PCDHA9: variants seen among roughly 807,000 people sequenced by gnomAD.
PCDHA9 encodes the protein protocadherin alpha 9, also known as protocadherin alpha-9.
In PCDHA9, 62 loss-of-function variants were observed where a neutral mutation model predicts 62.0. The ratio of observed to expected loss-of-function variants is 1.00; its 90% CI spans 0.81 to 1.23. PCDHA9 has a LOEUF of 1.23. PCDHA9 is among the 50% of genes most tolerant of loss of function. The pLI is 0.00. For missense variants in PCDHA9, 1,205 were observed against 1,249.8 expected (o/e 0.96, Z 0.54); for synonymous variants, 557 against 567.6 (o/e 0.98, Z 0.27).
intron 1 of PCDHA9, among the ~76,000 whole-genome samples, chr5:140,897,653 G>A (rs1446334429): frequency 1.3e-5 from 2 of 152,100 alleles, no homozygotes; most frequent in Non-Finnish European, 2.9e-5. Flanking sequence ...AAACATACGT[G>A]TGCATGTGTC....
chr5:140,989,728 A>T (rs1453115061), intron 3 of PCDHA9, among the ~76,000 whole-genome samples: 6 of 152,184 alleles, frequency 3.9e-5, no homozygotes, highest in Admixed American at 3.9e-4. Flanking sequence ...TTGCAGTTGA[A>T]AAGGCCATTG....
intron 3 of PCDHA9, among the ~76,000 whole-genome samples, chr5:140,994,309 C>T (rs924119174): frequency 1.3e-5 from 2 of 152,072 alleles, no homozygotes; most frequent in African/African-American, 4.8e-5. Context: ...TTCACAGGGC[C>T]CAAACACTCT....
rs782072957 is a variant in PCDHA9, at chr5:140,870,352, G to T, written c.2394+19463G>T. On this transcript the variant is annotated intron_variant, in intron 1 of 3. Coordinates refer to ENST00000532602, the MANE Select transcript of PCDHA9 (RefSeq NM_031857.2). ...GGACAGCGCCCTGGACCGCGAGAAC[G>T]TGTGGGCCTATGAACTGGTGGTGAC... 9.9e-6 allele frequency: 16 copies of T among 1,614,226 alleles called. No individual in the cohort carries two copies. The South Asian group carries it at 1.3e-4, about 13-fold the overall frequency.
At chr5:140,982,453 C>T (rs1554244194) in intron 2 of PCDHA9, 22 bp from the exon 3 acceptor site, 5 of 1,613,812 alleles carry the variant, frequency 3.1e-6, no homozygotes, top group African/African-American at 1.3e-5. Context: ...TAACCGTTAT[C>T]TGGGTCTGTG....
rs781852534 is a variant in PCDHA9, at chr5:140,982,552, G to T, written c.2531G>T (p.Ser844Ile). 1 of 1,614,168 alleles carries T rather than the reference G, an allele frequency of 6.2e-7. No individual in the cohort carries two copies. The highest frequency in any genetic ancestry group is 2.2e-5 in the East Asian group (1 of 44,892). ...GATCAGCAGTGGCCAACAGTATCCAGTGCAACACCAGGTAAAGAGCTGGGG... is the reference window on the plus strand; with the variant it reads ...GATCAGCAGTGGCCAACAGTATCCATTGCAACACCAGGTAAAGAGCTGGGG... The part of the protein sequence containing the change: ...GPDQQWPTVS[S>I]ATPEPEAGEV... Residue 844 changes from serine (S) to isoleucine (I), a missense_variant, in exon 3 of 4, where the codon AGT (serine) becomes ATT (isoleucine). Physicochemically the swap from Ser to Ile is moderately radical, Grantham distance 142. Coordinates refer to ENST00000532602, the MANE Select transcript of PCDHA9 (RefSeq NM_031857.2).
Position 140,978,838 on chromosome 5 carries a change from A to G in PCDHA9, c.2395-111A>G, listed in dbSNP as rs571929271. 3.9e-6 allele frequency: 6 copies of G among 1,554,610 alleles called. No homozygotes were observed. In the African/African-American group the frequency reaches 5.5e-5, roughly 14 times the overall value. On this transcript the variant is annotated intron_variant, in intron 1 of 3. Transcript: ENST00000532602. ...TTACACATGAAATGGCTCATTCAAT[A>G]CTTTTTTAGATGCCTGGAAATATTT... is the stretch of plus-strand genomic sequence containing the variant.
chr5:140,882,660 C>G lies in PCDHA9; in HGVS notation c.2394+31771C>G, dbSNP rs147326638. Reference sequence around the variant, plus strand: ...GTGAGGGACATTAACGACAACCCGCCCATATTCCCTGAAAGCAAGAAACGA... The same window carrying G: ...GTGAGGGACATTAACGACAACCCGCGCATATTCCCTGAAAGCAAGAAACGA... On this transcript the variant is annotated intron_variant, in intron 1 of 3. Coordinates refer to ENST00000532602, the MANE Select transcript of PCDHA9 (RefSeq NM_031857.2). 14 of 1,614,090 alleles carry G rather than the reference C, an allele frequency of 8.7e-6. No individual in the cohort carries two copies. Among genetic ancestry groups the G allele is most frequent in the African/African-American group, 1.3e-5 (1 of 74,928 alleles).
In PCDHA9 at chr5:140,900,436, G is replaced by C. The variant is rs553121120; in HGVS notation, c.2394+49547G>C. 8.5e-5 allele frequency among the ~76,000 whole-genome samples: 13 copies of C among 152,126 alleles called. No individual in the cohort carries two copies. The East Asian group carries it at 2.5e-3, about 30-fold the overall frequency. ...GGGATTATAGGCACGTGCCACCACG[G>C]CCGGCTAATTTTTTATTTTTAGTAG... On this transcript the variant is annotated intron_variant, in intron 1 of 3. Transcript: ENST00000532602.
At chr5:140,885,313 A>G (rs2060560221) in intron 1 of PCDHA9, among the ~76,000 whole-genome samples, 1 of 152,144 alleles carries the variant, frequency 6.6e-6, no homozygotes, top group East Asian at 1.9e-4. Flanking sequence ...GCTTTTTGTT[A>G]TTATTTCTTT....
chr5:140,958,089 C>A (rs2095409002), intron 1 of PCDHA9, among the ~76,000 whole-genome samples: 1 of 151,872 alleles, frequency 6.6e-6, no homozygotes, highest in African/African-American at 2.4e-5. Context: ...TAAAGTTGTA[C>A]AATAGTGTGT....
intron 1 of PCDHA9, among the ~76,000 whole-genome samples, chr5:140,944,072 A>C (rs868935645): frequency 6.6e-6 from 1 of 152,218 alleles, no homozygotes; most frequent in Non-Finnish European, 1.5e-5. Context: ...CTTGTTAAAG[A>C]TAAAGGAGGC....
intron 1 of PCDHA9, chr5:140,851,593 C>A (rs1200692770): frequency 1.1e-6 from 1 of 916,458 alleles, no homozygotes; most frequent in Non-Finnish European, 1.3e-6. Context: ...TTTTGAAATT[C>A]AGTTTACAGA....
At chr5:141,003,467 A>G (rs1262411574) in intron 3 of PCDHA9, among the ~76,000 whole-genome samples, 1 of 152,036 alleles carries the variant, frequency 6.6e-6, no homozygotes, top group Non-Finnish European at 1.5e-5. Context: ...GTGCACCACC[A>G]CAGTCTCGCT....
In PCDHA9 at chr5:140,875,735, C is replaced by A. The variant is rs376701509; in HGVS notation, c.2394+24846C>A. The stretch of plus-strand genomic sequence containing the variant: ...CAGAATGGCATTTTGTTTGTGAATT[C>A]TCGGATCGACCGCGAGAAGCTGTGC... On this transcript the variant is annotated intron_variant, in intron 1 of 3. Coordinates refer to ENST00000532602, the MANE Select transcript of PCDHA9 (RefSeq NM_031857.2). 16 of 1,614,114 alleles carry A rather than the reference C, an allele frequency of 9.9e-6. No homozygotes were observed. In the Middle Eastern group the frequency reaches 4.9e-4, roughly 50 times the overall value.
At chr5:141,005,302 G>T (rs940194498) in intron 3 of PCDHA9, among the ~76,000 whole-genome samples, 1 of 152,160 alleles carries the variant, frequency 6.6e-6, no homozygotes, top group Non-Finnish European at 1.5e-5. Context: ...TTGCCTTTGT[G>T]AATCTTACAG....
chr5:140,969,450 G>GTA (rs782343162), intron 1 of PCDHA9: 4 of 1,511,552 alleles, frequency 2.6e-6, no homozygotes, highest in Non-Finnish European at 3.6e-6. Flanking sequence ...GGTAAACTGA[G>GTA]TATATATAGT....
In PCDHA9 at chr5:140,883,374, T is replaced by G. The variant is rs1554177931; in HGVS notation, c.2394+32485T>G. The G allele has an allele frequency of 2.5e-6, 4 of 1,614,054 alleles. No individual in the cohort carries two copies. The African/African-American group carries it at 5.3e-5, about 22-fold the overall frequency. On this transcript the variant is annotated intron_variant, in intron 1 of 3. Transcript: ENST00000532602. ...GAAGACACTCAGCCTAGCGCCATTA[T>G]TGCCCTAATCAGTGTGTCCGATCGT...
chr5:140,932,966 G>C (rs2088764912), intron 1 of PCDHA9, among the ~76,000 whole-genome samples: 1 of 151,942 alleles, frequency 6.6e-6, no homozygotes, highest in South Asian at 2.1e-4. Context: ...TTGCTGAAAG[G>C]TTTTTACAAT....
intron 3 of PCDHA9, among the ~76,000 whole-genome samples, chr5:140,992,293 G>A (rs1043574685): frequency 1.3e-5 from 2 of 152,136 alleles, no homozygotes; most frequent in African/African-American, 2.4e-5. Flanking sequence ...GCAAAGGATG[G>A]GAGTATTGTT....
Sources: allele counts gnomAD v4.1 joint callset (sites outside exome capture counted in the v4.1 genomes callset), GRCh38; gene constraint gnomAD v4.1.1; transcripts MANE v1.5; gene names NCBI Gene and HGNC (gene_info 2026-07-23, HGNC 2026-07-21).